Variants in PAK3 observed in about 807,000 individuals in gnomAD.
PAK3 encodes serine/threonine-protein kinase PAK 3.
In PAK3, 4 loss-of-function variants were observed where a neutral mutation model predicts 41.0. The ratio of observed to expected loss-of-function variants is 0.10; its 90% CI spans 0.05 to 0.22. PAK3 has a LOEUF of 0.22. Ranked by LOEUF, PAK3 falls within the 10% of genes least tolerant of loss-of-function variation. The pLI, the probability that PAK3 is intolerant of heterozygous loss-of-function variation, is 1.00. For synonymous variants in PAK3, 146 were observed against 139.6 expected (o/e 1.05, Z -0.32); for missense variants, 205 against 409.9 (o/e 0.50, Z 4.32).
intron 1 of PAK3, among the ~76,000 whole-genome samples, chrX:111,002,405 T>C (rs1231835079): frequency 3.6e-5 from 4 of 111,794 alleles, no homozygotes; most frequent in Non-Finnish European, 7.5e-5. Flanking sequence ...AAATAAGGGA[T>C]GCAGGACACA....
chrX:111,135,703 G>A (rs1310250692), intron 5 of PAK3, among the ~76,000 whole-genome samples: 2 of 111,593 alleles, frequency 1.8e-5, no homozygotes, highest in Non-Finnish European at 3.8e-5. Flanking sequence ...CACTTGTAAG[G>A]ACAGAAAAGT....
chrX:111,143,641 C>T (rs991969), intron 6 of PAK3, among the ~76,000 whole-genome samples: 2,932 of 110,988 alleles, frequency 0.026, 104 homozygotes, highest in African/African-American at 0.089. Flanking sequence ...CCACCATCAT[C>T]ACCACCAGAA....
chrX:110,976,559 CA>C (rs2091334250), intron 1 of PAK3, among the ~76,000 whole-genome samples: 1 of 111,781 alleles, frequency 8.9e-6, no homozygotes, highest in South Asian at 3.8e-4. Context: ...GGCGATTCCT[CA>C]AGGATTTAGA....
chrX:111,050,910 A>G (rs1441592403), intron 1 of PAK3, among the ~76,000 whole-genome samples: 2 of 112,125 alleles, frequency 1.8e-5, no homozygotes, highest in African/African-American at 6.5e-5. Flanking sequence ...TCTAGTCCCT[A>G]CAAAGCAAAC....
At chrX:110,945,866 A>C (rs1400951766) in intron 1 of PAK3, among the ~76,000 whole-genome samples, 1 of 112,188 alleles carries the variant, frequency 8.9e-6, no homozygotes, top group Non-Finnish European at 1.9e-5. Flanking sequence ...TTAATAAAGC[A>C]TTGTTTTTCA....
intron 10 of PAK3, among the ~76,000 whole-genome samples, chrX:111,172,104 G>C (rs1043443695): frequency 1.2e-4 from 13 of 111,653 alleles, no homozygotes; most frequent in African/African-American, 4.2e-4. Flanking sequence ...CTTCAATTCA[G>C]AGAAGACAGT....
At chrX:110,952,321 T>A (rs933692311) in intron 1 of PAK3, among the ~76,000 whole-genome samples, 1 of 111,455 alleles carries the variant, frequency 9.0e-6, no homozygotes, top group African/African-American at 3.3e-5. Context: ...CTAAAATCCT[T>A]TGGAGGTGGC....
intron 10 of PAK3, among the ~76,000 whole-genome samples, chrX:111,170,372 A>G (rs921750979): frequency 9.0e-6 from 1 of 110,548 alleles, no homozygotes. Flanking sequence ...TAAAAAAAAA[A>G]CCAACAACTT....
chrX:110,970,811 C>A (rs149582737), intron 1 of PAK3, among the ~76,000 whole-genome samples: 2,598 of 111,969 alleles, frequency 0.023, 72 homozygotes, highest in African/African-American at 0.079. Flanking sequence ...ATCCTGCAAA[C>A]CAAAACTTCA....
At chrX:111,027,070 A>G (rs775913415) in intron 1 of PAK3, among the ~76,000 whole-genome samples, 17 of 111,783 alleles carry the variant, frequency 1.5e-4, no homozygotes, top group Non-Finnish European at 2.3e-4. Context: ...AGGACACTCT[A>G]TGTACAAAAA....
chrX:111,078,794 G>A (rs896243696), intron 1 of PAK3, among the ~76,000 whole-genome samples: 3 of 111,883 alleles, frequency 2.7e-5, no homozygotes, highest in African/African-American at 9.7e-5. Context: ...TCCAAGTTAT[G>A]AATGCAAAGT....
At chrX:111,188,540 C>T (rs895454716) in intron 11 of PAK3, among the ~76,000 whole-genome samples, 4 of 112,008 alleles carry the variant, frequency 3.6e-5, no homozygotes, top group East Asian at 5.6e-4. Context: ...ACCTCTAAAA[C>T]GTGTTCCAAT....
At chrX:111,059,842 A>G (rs1603052119) in intron 1 of PAK3, among the ~76,000 whole-genome samples, 1 of 111,965 alleles carries the variant, frequency 8.9e-6, no homozygotes. Flanking sequence ...GAATTCCTCA[A>G]GATTTTCTAT....
chrX:111,142,887 C>G (rs190858529), intron 6 of PAK3, among the ~76,000 whole-genome samples: 8 of 110,437 alleles, frequency 7.2e-5, no homozygotes, highest in Non-Finnish European at 1.5e-4. Context: ...ATAGATCAAG[C>G]CTTTTGCTGA....
At chrX:111,213,528 G>C (rs1026757953) in intron 16 of PAK3, among the ~76,000 whole-genome samples, 2 of 112,031 alleles carry the variant, frequency 1.8e-5, no homozygotes, top group African/African-American at 6.5e-5. Context: ...ATGTGGAATA[G>C]AATATATTAA....
At chrX:111,012,830 G>A (rs1432504613) in intron 1 of PAK3, among the ~76,000 whole-genome samples, 3 of 111,569 alleles carry the variant, frequency 2.7e-5, no homozygotes, top group African/African-American at 6.5e-5. Context: ...TCACCCAGGC[G>A]GGAGTGTGGT....
chrX:111,004,112 T>A (rs1290672668), intron 1 of PAK3, among the ~76,000 whole-genome samples: 1 of 112,524 alleles, frequency 8.9e-6, no homozygotes, highest in Non-Finnish European at 1.9e-5. Flanking sequence ...TTTCTTCATA[T>A]ATAACAGGAA....
intron 10 of PAK3, among the ~76,000 whole-genome samples, chrX:111,170,092 T>C (rs1239329403): frequency 9.0e-6 from 1 of 110,730 alleles, no homozygotes; most frequent in East Asian, 2.9e-4. Context: ...AGGAAAAAGA[T>C]GATGGGAGCC....
chrX:111,172,900 C>T (rs963003560), intron 10 of PAK3, 118 bp from the exon 11 acceptor site: 1 of 524,473 alleles, frequency 1.9e-6, no homozygotes, highest in Non-Finnish European at 3.4e-6. Context: ...TTGTCACTGA[C>T]TCTGGCATCT....
Sources: allele counts gnomAD v4.1 joint callset (sites outside exome capture counted in the v4.1 genomes callset), GRCh38; gene constraint gnomAD v4.1.1; transcripts MANE v1.5; gene names NCBI Gene and HGNC (gene_info 2026-07-23, HGNC 2026-07-21).